Variants in RTL4 observed in about 807,000 individuals in gnomAD.
The protein encoded by RTL4 is retrotransposon Gag-like protein 4.
RTL4 carries 4 observed loss-of-function variants against 5.3 expected under a neutral mutation model. The observed-to-expected ratio is 0.75, with a 90% CI of 0.37 to 1.72. The LOEUF (loss-of-function observed/expected upper bound fraction) is 1.72, where lower values mean the gene tolerates loss of function less well. RTL4 is among the 40% of genes most tolerant of loss of function. The probability of loss-of-function intolerance (pLI) is 0.04; values close to 1 mark genes in which losing one functional copy is unlikely to be tolerated. For synonymous variants in RTL4, 98 were observed against 87.3 expected, an observed-to-expected ratio of 1.12 and a Z score of -0.68; for missense variants, 260 against 227.1, an observed-to-expected ratio of 1.14 and a Z score of -0.93.
chrX:112,455,349 C>T, exon 1 of RTL4: 1 of 1,211,635 alleles, frequency 8.3e-7, no homozygotes, highest in Non-Finnish European at 1.1e-6. Context: ...ATCTTCCAGA[C>T]CTGATCACTC....
At chrX:112,315,045 G>T in the RTL4 span, among the ~76,000 whole-genome samples, 1 of 111,610 alleles carries the variant, frequency 9.0e-6, no homozygotes, top group Non-Finnish European at 1.9e-5. Context: ...TCGAAATTAA[G>T]TATATAATGG....
chrX:112,232,940 T>C, the RTL4 span, among the ~76,000 whole-genome samples: 1 of 111,089 alleles, frequency 9.0e-6, no homozygotes, highest in Non-Finnish European at 1.9e-5. Context: ...GATAGGGGGA[T>C]GGTGATGGTA....
the RTL4 span, among the ~76,000 whole-genome samples, chrX:112,109,243 T>A: frequency 3.6e-5 from 4 of 111,917 alleles, no homozygotes; most frequent in East Asian, 1.1e-3. Flanking sequence ...GTGTCCGTAG[T>A]TGGTTCCTTC....
At chrX:112,247,810 T>A in the RTL4 span, among the ~76,000 whole-genome samples, 2 of 112,035 alleles carry the variant, frequency 1.8e-5, no homozygotes, top group Non-Finnish European at 3.8e-5. Flanking sequence ...TGATTGTTTT[T>A]TGGCCATAAC....
the RTL4 span, among the ~76,000 whole-genome samples, chrX:112,268,751 T>C: frequency 8.9e-6 from 1 of 112,232 alleles, no homozygotes; most frequent in African/African-American, 3.2e-5. Flanking sequence ...ACAAAAATTC[T>C]AAAAAGGCTA....
At chrX:112,418,193 G>T in the RTL4 span, among the ~76,000 whole-genome samples, 1 of 111,735 alleles carries the variant, frequency 8.9e-6, no homozygotes, top group Admixed American at 9.5e-5. Flanking sequence ...TGTTGTGATT[G>T]TTACACAAGT....
chrX:112,297,751 G>A, the RTL4 span, among the ~76,000 whole-genome samples: 15 of 111,361 alleles, frequency 1.3e-4, no homozygotes, highest in African/African-American at 4.9e-4. Flanking sequence ...GCTCTCAACC[G>A]CTTTCTTAAA....
chrX:112,202,284 G>A, the RTL4 span, among the ~76,000 whole-genome samples: 1 of 111,348 alleles, frequency 9.0e-6, no homozygotes, highest in East Asian at 2.8e-4. Flanking sequence ...AGTCATCCAA[G>A]TTGTTGCTTC....
At chrX:112,446,538 C>T in the RTL4 span, among the ~76,000 whole-genome samples, 5 of 112,185 alleles carry the variant, frequency 4.5e-5, no homozygotes, top group African/African-American at 6.5e-5. Flanking sequence ...TGGAGCAGGG[C>T]TGGGTTTTCC....
the RTL4 span, among the ~76,000 whole-genome samples, chrX:112,357,638 T>C: frequency 2.7e-5 from 3 of 112,165 alleles, no homozygotes; most frequent in East Asian, 8.5e-4. Context: ...GGGCAGCATA[T>C]AGCTTAAAAC....
chrX:112,414,970 T>A, the RTL4 span, among the ~76,000 whole-genome samples: 1 of 111,867 alleles, frequency 8.9e-6, no homozygotes, highest in African/African-American at 3.2e-5. Context: ...CACTAGCTAT[T>A]ATATACATCA....
At chrX:112,325,112 A>G in the RTL4 span, among the ~76,000 whole-genome samples, 3 of 111,599 alleles carry the variant, frequency 2.7e-5, no homozygotes, top group Admixed American at 9.5e-5. Context: ...GGACCTCTTC[A>G]AGGAGAACTA....
the RTL4 span, among the ~76,000 whole-genome samples, chrX:112,335,025 C>G: frequency 9.0e-6 from 1 of 111,414 alleles, no homozygotes; most frequent in African/African-American, 3.3e-5. Context: ...GATTGGGAAA[C>G]CTCCATTAAT....
chrX:112,244,773 C>T, the RTL4 span, among the ~76,000 whole-genome samples: 1 of 111,728 alleles, frequency 9.0e-6, no homozygotes, highest in Admixed American at 9.6e-5. Context: ...TTCATTGATG[C>T]AGTTTCTTCC....
chrX:112,316,920 G>C, the RTL4 span, among the ~76,000 whole-genome samples: 1 of 111,859 alleles, frequency 8.9e-6, no homozygotes, highest in Non-Finnish European at 1.9e-5. Flanking sequence ...CTTGAGCTCA[G>C]CCACATGTCG....
the RTL4 span, among the ~76,000 whole-genome samples, chrX:112,269,711 T>C: frequency 8.9e-6 from 1 of 112,199 alleles, no homozygotes. Flanking sequence ...ACCTCCCAGA[T>C]ACAGATGTAA....
At chrX:112,197,156 T>C in the RTL4 span, among the ~76,000 whole-genome samples, 1 of 97,402 alleles carries the variant, frequency 1.0e-5, no homozygotes, top group African/African-American at 3.7e-5. Context: ...AGGACCTGAC[T>C]AGGCAATTCC....
At chrX:112,274,215 C>T in the RTL4 span, among the ~76,000 whole-genome samples, 1 of 111,027 alleles carries the variant, frequency 9.0e-6, no homozygotes, top group African/African-American at 3.3e-5. Flanking sequence ...GTGTGGTACA[C>T]CATAAGAGAA....
chrX:112,316,043 T>G, the RTL4 span, among the ~76,000 whole-genome samples: 2 of 112,208 alleles, frequency 1.8e-5, no homozygotes, highest in Non-Finnish European at 3.8e-5. Flanking sequence ...TGTACCAACT[T>G]TAATGCCCAC....
Sources: allele counts gnomAD v4.1 joint callset (sites outside exome capture counted in the v4.1 genomes callset), GRCh38; gene constraint gnomAD v4.1.1; transcripts MANE v1.5; gene names NCBI Gene and HGNC (gene_info 2026-07-23, HGNC 2026-07-21).